ENTREP2: variants seen among roughly 807,000 people sequenced by gnomAD.
ENTREP2 encodes the protein protein ENTREP2.
chr15:29,425,269 A>T, the ENTREP2 span, among the ~76,000 whole-genome samples: 2 of 150,814 alleles, frequency 1.3e-5, no homozygotes, highest in South Asian at 4.2e-4. Flanking sequence ...CGATCTCCTG[A>T]CCTCATCATC....
chr15:29,268,767 CG>C, the ENTREP2 span: 35 of 1,576,304 alleles, frequency 2.2e-5, no homozygotes, highest in Admixed American at 6.1e-4. Context: ...ACCCTTGTCC[CG>C]GGGGTCCCTC....
At chr15:29,129,843 A>G in the ENTREP2 span, among the ~76,000 whole-genome samples, 57,349 of 151,900 alleles carry the variant, frequency 0.38, 10,857 homozygotes, top group Middle Eastern at 0.49. Context: ...CACATGTTGC[A>G]TGAGCACCCC....
chr15:29,192,448 A>G, the ENTREP2 span, among the ~76,000 whole-genome samples: 1 of 152,202 alleles, frequency 6.6e-6, no homozygotes, highest in African/African-American at 2.4e-5. Flanking sequence ...TACAACAACA[A>G]GAAGAAGACA....
At chr15:29,330,432 G>C in the ENTREP2 span, among the ~76,000 whole-genome samples, 1 of 152,090 alleles carries the variant, frequency 6.6e-6, no homozygotes, top group African/African-American at 2.4e-5. Flanking sequence ...CTGGGCGACA[G>C]AGCGAGACTC....
the ENTREP2 span, among the ~76,000 whole-genome samples, chr15:29,321,189 G>C: frequency 6.6e-6 from 1 of 152,030 alleles, no homozygotes; most frequent in South Asian, 2.1e-4. Flanking sequence ...AGAAGATCTA[G>C]AAAGAAACCA....
chr15:29,226,318 C>G, the ENTREP2 span, among the ~76,000 whole-genome samples: 2 of 152,180 alleles, frequency 1.3e-5, no homozygotes, highest in African/African-American at 4.8e-5. Context: ...TTGGAATCAA[C>G]TTTCAAATTG....
the ENTREP2 span, among the ~76,000 whole-genome samples, chr15:29,329,841 T>C: frequency 1.3e-5 from 2 of 152,184 alleles, no homozygotes; most frequent in African/African-American, 2.4e-5. Flanking sequence ...TTTCTATAAA[T>C]ACATGATTGA....
chr15:29,355,448 AG>A, the ENTREP2 span, among the ~76,000 whole-genome samples: 1 of 151,466 alleles, frequency 6.6e-6, no homozygotes, highest in Non-Finnish European at 1.5e-5. Context: ...CCAAAGATGA[AG>A]TTTAAATTTG....
At chr15:29,660,315 A>G in the ENTREP2 span, among the ~76,000 whole-genome samples, 852 of 152,206 alleles carry the variant, frequency 5.6e-3, 10 homozygotes, top group African/African-American at 0.02. Flanking sequence ...TCCTTTTTCT[A>G]ACTGAAATTA....
At chr15:29,305,200 A>G in the ENTREP2 span, among the ~76,000 whole-genome samples, 7 of 152,200 alleles carry the variant, frequency 4.6e-5, no homozygotes, top group Non-Finnish European at 1.0e-4. Context: ...TGCAAAGATA[A>G]ATTTTTCATT....
At chr15:29,121,398 G>A in the ENTREP2 span, 1 of 152,296 alleles carries the variant, frequency 6.6e-6, no homozygotes. Flanking sequence ...CCCACCCAAG[G>A]GCTCAGCCCA....
chr15:29,274,796 T>A, the ENTREP2 span, among the ~76,000 whole-genome samples: 1 of 152,184 alleles, frequency 6.6e-6, no homozygotes, highest in African/African-American at 2.4e-5. Flanking sequence ...CAAACTTCAT[T>A]TAAGTTTTAC....
chr15:29,668,417 C>T, the ENTREP2 span, among the ~76,000 whole-genome samples: 3 of 152,082 alleles, frequency 2.0e-5, no homozygotes, highest in Admixed American at 6.5e-5. Flanking sequence ...CTAGGTATAC[C>T]CAAGGCAAAT....
chr15:29,364,285 G>A, the ENTREP2 span, among the ~76,000 whole-genome samples: 10 of 152,130 alleles, frequency 6.6e-5, no homozygotes, highest in Non-Finnish European at 1.5e-4. Context: ...CACTGATTAA[G>A]AGCCAGTTGG....
chr15:29,389,660 C>A, the ENTREP2 span, among the ~76,000 whole-genome samples: 129 of 152,352 alleles, frequency 8.5e-4, no homozygotes, highest in Middle Eastern at 3.4e-3. Context: ...CAAGCCCCTA[C>A]CTTGCCGTGG....
At chr15:29,136,248 G>A in the ENTREP2 span, 2 of 1,145,902 alleles carry the variant, frequency 1.7e-6, no homozygotes. Flanking sequence ...GCTCATGAGT[G>A]TTCACCTCAC....
the ENTREP2 span, among the ~76,000 whole-genome samples, chr15:29,356,450 C>A: frequency 6.6e-6 from 1 of 150,390 alleles, no homozygotes; most frequent in Admixed American, 6.6e-5. Flanking sequence ...GGACCACAGG[C>A]GACCACTACC....
chr15:29,327,008 T>C, the ENTREP2 span, among the ~76,000 whole-genome samples: 2 of 151,808 alleles, frequency 1.3e-5, no homozygotes, highest in South Asian at 2.1e-4. Context: ...TGGACATCTA[T>C]ATGCAAAAAA....
the ENTREP2 span, among the ~76,000 whole-genome samples, chr15:29,634,723 T>C: frequency 6.6e-6 from 1 of 152,220 alleles, no homozygotes; most frequent in African/African-American, 2.4e-5. Context: ...AACTCCTGCC[T>C]GACTGGCTTC....
Sources: allele counts gnomAD v4.1 joint callset (sites outside exome capture counted in the v4.1 genomes callset), GRCh38; gene constraint gnomAD v4.1.1; transcripts MANE v1.5; gene names NCBI Gene and HGNC (gene_info 2026-07-23, HGNC 2026-07-21).